CHL1: variants seen among roughly 807,000 people sequenced by gnomAD.
The protein encoded by CHL1 is cell adhesion molecule L1 like, also known as neural cell adhesion molecule L1-like protein.
CHL1 carries 96 observed loss-of-function variants against 141.9 expected under a neutral mutation model. That is an observed-to-expected ratio of 0.68 (90% CI 0.57 to 0.80). CHL1 has a LOEUF of 0.80. CHL1 is among the 30% of genes least tolerant of loss of function. The pLI is 0.00. For synonymous variants in CHL1, 613 were observed against 502.2 expected (o/e 1.22, Z -2.95); for missense variants, 1,820 against 1,457.2 (o/e 1.25, Z -4.05).
chr3:335,144 C>T (rs1478656681), intron 5 of CHL1, among the ~76,000 whole-genome samples: 1 of 152,190 alleles, frequency 6.6e-6, no homozygotes, highest in Admixed American at 6.5e-5. Context: ...CTTTTTACCA[C>T]CCTGATTTTG....
At chr3:211,363 G>A (rs918865950) in intron 1 of CHL1, among the ~76,000 whole-genome samples, 3 of 152,216 alleles carry the variant, frequency 2.0e-5, no homozygotes, top group Admixed American at 2.0e-4. Context: ...TTCCTGCAGT[G>A]TTATGAGAGC....
intron 15 of CHL1, among the ~76,000 whole-genome samples, chr3:370,756 TC>T (rs1472463513): frequency 6.6e-6 from 1 of 152,234 alleles, no homozygotes; most frequent in Non-Finnish European, 1.5e-5. Flanking sequence ...GCTATAAATT[TC>T]CCTCTTAACA....
intron 1 of CHL1, among the ~76,000 whole-genome samples, chr3:223,652 C>T (rs1336017141): frequency 6.6e-6 from 1 of 152,182 alleles, no homozygotes; most frequent in Non-Finnish European, 1.5e-5. Context: ...AGGGCAAATT[C>T]ACTGAGACAG....
chr3:265,414 C>T (rs1253987594), intron 2 of CHL1, among the ~76,000 whole-genome samples: 10 of 152,164 alleles, frequency 6.6e-5, no homozygotes, highest in Non-Finnish European at 1.3e-4. Flanking sequence ...ATAATATTTT[C>T]ATATCTCTTA....
At chr3:337,421 G>C (rs1220642245) in intron 5 of CHL1, among the ~76,000 whole-genome samples, 1 of 151,748 alleles carries the variant, frequency 6.6e-6, no homozygotes, top group African/African-American at 2.4e-5. Flanking sequence ...CAATGTGCAG[G>C]TTAGTTACAT....
At chr3:403,641 T>C (rs1423563489) in intron 27 of CHL1, among the ~76,000 whole-genome samples, 2 of 152,080 alleles carry the variant, frequency 1.3e-5, no homozygotes, top group Admixed American at 6.6e-5. Flanking sequence ...ACAAAAACAA[T>C]GCCTTGTCTA....
intron 23 of CHL1, among the ~76,000 whole-genome samples, chr3:393,727 C>A (rs4685678): frequency 0.96 from 145,847 of 152,192 alleles, 70,172 homozygotes; most frequent in East Asian, 1. Flanking sequence ...TGATTGTAGT[C>A]GTTTTTCAAT....
intron 2 of CHL1, among the ~76,000 whole-genome samples, chr3:284,919 A>G (rs1177496420): frequency 6.6e-6 from 1 of 152,190 alleles, no homozygotes; most frequent in Non-Finnish European, 1.5e-5. Context: ...TGCAGAATCT[A>G]TTATATCGTT....
At chr3:305,630 C>T (rs1413974615) in intron 2 of CHL1, among the ~76,000 whole-genome samples, 1 of 150,810 alleles carries the variant, frequency 6.6e-6, no homozygotes, top group South Asian at 2.1e-4. Flanking sequence ...TTTCACTTAA[C>T]AAAAAATAAT....
chr3:309,406 G>A (rs60698994), intron 2 of CHL1: 4 of 141,052 alleles, frequency 2.8e-5, no homozygotes, highest in African/African-American at 1.0e-4. Context: ...TTCCTTCCTT[G>A]CTTTCTCTCT....
intron 5 of CHL1, among the ~76,000 whole-genome samples, chr3:334,246 A>G (rs1432863197): frequency 6.6e-6 from 1 of 152,140 alleles, no homozygotes; most frequent in African/African-American, 2.4e-5. Flanking sequence ...TATGTTGCCC[A>G]CACTGGTCTT....
intron 2 of CHL1, among the ~76,000 whole-genome samples, chr3:286,258 G>C (rs1697131334): frequency 6.6e-6 from 1 of 152,058 alleles, no homozygotes; most frequent in Admixed American, 6.5e-5. Context: ...GTGGGTTCTT[G>C]GATCTCGCAC....
At chr3:266,423 C>G (rs1357471957) in intron 2 of CHL1, among the ~76,000 whole-genome samples, 1 of 152,138 alleles carries the variant, frequency 6.6e-6, no homozygotes, top group Non-Finnish European at 1.5e-5. Context: ...TTTTGAAGGT[C>G]TGGCTGCACA....
intron 1 of CHL1, among the ~76,000 whole-genome samples, chr3:219,505 C>T (rs1574740592): frequency 6.6e-6 from 1 of 152,202 alleles, no homozygotes; most frequent in Non-Finnish European, 1.5e-5. Context: ...TATTATGCAG[C>T]CATTAAAAAA....
In CHL1 at chr3:390,988, G is replaced by C; in HGVS notation, c.2620G>C (p.Gly874Arg). Residue 874 changes from glycine to arginine, a missense_variant, in exon 22 of 28, where the codon GGA (glycine) becomes CGA (arginine). Coordinates refer to ENST00000256509, the MANE Select transcript of CHL1 (RefSeq NM_006614.4). Reference protein sequence around the residue: ...NWWKTKSLLDGRTHPKEVNIL... With the variant: ...NWWKTKSLLDRRTHPKEVNIL... ...GTGGAAAACAAAAAGTCTGTTGGAT[G>C]GAAGAACACATCCCAAAGAAGTGAA... The C allele has an allele frequency of 1.2e-6, 2 of 1,614,128 alleles. No homozygotes were observed. The highest frequency in any genetic ancestry group is 1.7e-6 in the Non-Finnish European group (2 of 1,180,004).
intron 5 of CHL1, among the ~76,000 whole-genome samples, chr3:337,191 GTTT>G (rs71058767): frequency 1.1e-4 from 3 of 27,658 alleles, no homozygotes; most frequent in African/African-American, 1.8e-4. Context: ...TTTTGTTTTT[GTTT>G]TTTTTTTTTT....
At chr3:343,523 G>A (rs1258266536) in intron 8 of CHL1, among the ~76,000 whole-genome samples, 7 of 152,140 alleles carry the variant, frequency 4.6e-5, no homozygotes, top group South Asian at 2.1e-4. Context: ...ATGTGTCTGC[G>A]TGATCTTTTT....
chr3:225,031 G>T (rs950480218), intron 1 of CHL1, among the ~76,000 whole-genome samples: 3 of 152,188 alleles, frequency 2.0e-5, no homozygotes, highest in Non-Finnish European at 4.4e-5. Context: ...AGCTACTCAG[G>T]AGGCCGGGCG....
intron 12 of CHL1, 75 bp downstream of exon 12, chr3:360,499 T>C (rs1278680044): frequency 1.6e-5 from 23 of 1,453,930 alleles, no homozygotes; most frequent in Non-Finnish European, 1.9e-5. Flanking sequence ...CAGAAGTGTA[T>C]TAACTCTTGA....
Sources: gnomAD v4.1 joint callset for allele counts (sites outside exome capture counted in the v4.1 genomes callset) on GRCh38, gnomAD v4.1.1 for gene constraint, MANE v1.5 for transcripts, NCBI Gene and HGNC (gene_info 2026-07-23, HGNC 2026-07-21) for gene names.